Variants in PSMA3 observed in about 807,000 individuals in gnomAD.
The protein encoded by PSMA3 is proteasome subunit alpha type-3.
A neutral mutation model predicts 40.0 loss-of-function variants in PSMA3; 8 were observed. The ratio of observed to expected loss-of-function variants is 0.20; its 90% CI spans 0.12 to 0.36. The LOEUF (loss-of-function observed/expected upper bound fraction) is 0.36. PSMA3 is among the 10% of genes least tolerant of loss of function. The probability of loss-of-function intolerance (pLI) is 1.00; values close to 1 mark genes in which losing one functional copy is unlikely to be tolerated. For missense variants in PSMA3, 219 were observed against 310.6 expected, an observed-to-expected ratio of 0.70 and a Z score of 2.22; for synonymous variants, 110 against 100.0, an observed-to-expected ratio of 1.10 and a Z score of -0.59.
intron 3 of PSMA3, among the ~76,000 whole-genome samples, chr14:58,253,760 A>G (rs950594941): frequency 6.6e-6 from 1 of 151,838 alleles, no homozygotes; most frequent in African/African-American, 2.4e-5. Flanking sequence ...CACCCAGCTA[A>G]TTTTTGTATT....
chr14:58,259,203 A>G (rs553658685), intron 5 of PSMA3, among the ~76,000 whole-genome samples: 8 of 152,354 alleles, frequency 5.3e-5, no homozygotes, highest in Admixed American at 2.0e-4. Flanking sequence ...CTTTGTTTTC[A>G]GACCATGTAA....
chr14:58,270,560 C>T, intron 9 of PSMA3, 75 bp downstream of exon 9: 4 of 1,591,596 alleles, frequency 2.5e-6, no homozygotes, highest in South Asian at 1.1e-5. Flanking sequence ...AGTGTCCTTT[C>T]TAATATAATG....
At chr14:58,262,319 C>T (rs1890305764) in intron 6 of PSMA3, among the ~76,000 whole-genome samples, 1 of 152,160 alleles carries the variant, frequency 6.6e-6, no homozygotes, top group Admixed American at 6.5e-5. Context: ...GCAATTCTGC[C>T]TCAGCCTCCC....
intron 7 of PSMA3, chr14:58,265,796 A>G (rs987172369): frequency 3.3e-5 from 5 of 152,344 alleles, no homozygotes; most frequent in African/African-American, 1.2e-4. Flanking sequence ...AAATTTAAAG[A>G]TCAGCATTCT....
rs1320451489 is a variant in PSMA3 at position 58,249,597 on chromosome 14, C to T, written c.104+1765C>T. Among the ~76,000 whole-genome samples, 8 of 152,132 alleles carry T rather than the reference C, an allele frequency of 5.3e-5. No homozygotes were observed. The East Asian group carries it at 9.7e-4, about 18-fold the overall frequency. On this transcript the variant is annotated intron_variant, in intron 2 of 10. Transcript: ENST00000216455. ...GTGTGATTACAGCTTACTGCAGACT[C>T]GACCTCCTGGTCTCGAGCTATTCTC...
chr14:58,265,350 A>G (rs758892962), intron 7 of PSMA3: 4 of 152,178 alleles, frequency 2.6e-5, no homozygotes, highest in Non-Finnish European at 4.4e-5. Flanking sequence ...AAAAACAATA[A>G]ATCCCAGAGA....
intron 8 of PSMA3, 166 bp downstream of exon 8, chr14:58,267,686 T>C (rs901184308): frequency 2.5e-6 from 3 of 1,208,412 alleles, no homozygotes; most frequent in Admixed American, 8.7e-5. Context: ...AGAAAATGTT[T>C]TTAAGCAATA....
intron 10 of PSMA3, among the ~76,000 whole-genome samples, chr14:58,271,265 A>C (rs1196719501): frequency 6.6e-6 from 1 of 151,514 alleles, no homozygotes; most frequent in Non-Finnish European, 1.5e-5. Context: ...CAAAAAAAAA[A>C]AACTTGGGAG....
intron 3 of PSMA3, among the ~76,000 whole-genome samples, 173 bp downstream of exon 3, chr14:58,252,415 A>T (rs537924044): frequency 6.6e-6 from 1 of 152,218 alleles, no homozygotes; most frequent in African/African-American, 2.4e-5. Context: ...TGATGGGGGA[A>T]AAACCAAGTT....
intron 3 of PSMA3, among the ~76,000 whole-genome samples, chr14:58,252,647 T>G (rs1353987687): frequency 2.0e-5 from 3 of 152,094 alleles, no homozygotes; most frequent in Non-Finnish European, 2.9e-5. Context: ...AAAGGAAAAG[T>G]GAACACATCC....
intron 3 of PSMA3, among the ~76,000 whole-genome samples, chr14:58,253,920 A>C (rs11624108): frequency 0.019 from 2,876 of 152,298 alleles, 31 homozygotes; most frequent in Non-Finnish European, 0.032. Flanking sequence ...TTAAAGGATG[A>C]ATAGTATTCC....
intron 8 of PSMA3, 52 bp downstream of exon 8, chr14:58,267,572 CATAT>C (rs755276247): frequency 1.3e-6 from 2 of 1,522,984 alleles, no homozygotes; most frequent in African/African-American, 1.4e-5. Context: ...TTGACCTTTG[CATAT>C]ATATATTACA....
chr14:58,263,007 G>A (rs531550117), intron 6 of PSMA3, among the ~76,000 whole-genome samples: 2 of 141,940 alleles, frequency 1.4e-5, no homozygotes, highest in African/African-American at 2.7e-5. Flanking sequence ...TTTTTTGATG[G>A]AGTCTCACTC....
chr14:58,258,040 ATAGAT>A (rs1212511135), intron 5 of PSMA3, 42 bp downstream of exon 5: 1 of 1,437,632 alleles, frequency 7.0e-7, no homozygotes, highest in African/African-American at 1.4e-5. Context: ...GATCTGTACT[ATAGAT>A]ATTTATTATG....
intron 2 of PSMA3, among the ~76,000 whole-genome samples, chr14:58,248,426 TG>T (rs1433594698): frequency 2.0e-5 from 3 of 151,890 alleles, no homozygotes; most frequent in Non-Finnish European, 4.4e-5. Context: ...GACGGGGTTT[TG>T]CCACGTTGGC....
intron 7 of PSMA3, chr14:58,265,002 T>C (rs1432838157): frequency 6.6e-6 from 1 of 152,262 alleles, no homozygotes; most frequent in Non-Finnish European, 1.5e-5. Flanking sequence ...GGATTACCCC[T>C]GTAATCCTAC....
At chr14:58,250,812 G>A (rs1005178622) in intron 2 of PSMA3, among the ~76,000 whole-genome samples, 9 of 152,100 alleles carry the variant, frequency 5.9e-5, no homozygotes, top group Admixed American at 2.6e-4. Flanking sequence ...TAGATTAAAC[G>A]GATTAGAGAA....
At chr14:58,245,332 CT>C in intron 1 of PSMA3, 1 of 233,108 alleles carries the variant, frequency 4.3e-6, no homozygotes, top group East Asian at 9.2e-5. Flanking sequence ...GGAGATCGTG[CT>C]TTTTGTGGAC....
In PSMA3 at chr14:58,270,235, T is replaced by C. The variant is rs1890574959; in HGVS notation, c.591-183T>C. ...ATTTGTCGGGAGAGTAGATGTTTCA[T>C]TTTATTTCAGTCCCTGTGTAATTTG... On this transcript the variant is annotated intron_variant, in intron 8 of 10. Coordinates refer to ENST00000216455, the MANE Select transcript of PSMA3 (RefSeq NM_002788.4). The C allele has an allele frequency of 1.2e-5, 10 of 858,098 alleles. No homozygotes were observed. The East Asian group carries it at 2.2e-4, about 19-fold the overall frequency. 53.2% of individuals were successfully genotyped at this position (858,098 alleles called of 1,614,324 possible).
Sources: allele counts gnomAD v4.1 joint callset (sites outside exome capture counted in the v4.1 genomes callset), GRCh38; gene constraint gnomAD v4.1.1; transcripts MANE v1.5; gene names NCBI Gene and HGNC (gene_info 2026-07-23, HGNC 2026-07-21).